Variants in PDZRN3 observed in about 807,000 individuals in gnomAD.
PDZRN3 encodes PDZ domain containing ring finger 3.
A neutral mutation model predicts 85.7 loss-of-function variants in PDZRN3; 38 were observed. The observed-to-expected ratio is 0.44, with a 90% CI of 0.34 to 0.58. The LOEUF is 0.58. Among genes scored for constraint, PDZRN3 ranks in the 20% least tolerant of loss-of-function variants. The probability of loss-of-function intolerance (pLI) is 0.01; values close to 1 mark genes in which losing one functional copy is unlikely to be tolerated. For missense variants in PDZRN3, 1,629 were observed against 1,506.4 expected, an observed-to-expected ratio of 1.08 and a Z score of -1.35; for synonymous variants, 759 against 638.0, an observed-to-expected ratio of 1.19 and a Z score of -2.86.
chr3:73,457,058 GA>G (rs1048183378), intron 3 of PDZRN3, among the ~76,000 whole-genome samples: 3 of 152,074 alleles, frequency 2.0e-5, no homozygotes, highest in African/African-American at 7.2e-5. Flanking sequence ...ATGGCAGGGA[GA>G]AAGAAATTTC....
At chr3:73,531,245 C>G (rs375956576) in intron 3 of PDZRN3, among the ~76,000 whole-genome samples, 2 of 109,502 alleles carry the variant, frequency 1.8e-5, no homozygotes, top group East Asian at 4.8e-4. Flanking sequence ...AGCGAGACTT[C>G]GTCTCAAAAA....
chr3:73,435,377 A>G (rs1702512170), intron 3 of PDZRN3, among the ~76,000 whole-genome samples: 1 of 152,190 alleles, frequency 6.6e-6, no homozygotes, highest in Non-Finnish European at 1.5e-5. Context: ...AGGAAGCCAC[A>G]GATGGGGCGG....
rs1304124794 is a variant in PDZRN3 at position 73,602,249 on chromosome 3, T to C, written c.918+105A>G. 5 of 682,040 alleles carry C rather than the reference T, an allele frequency of 7.3e-6. No individual in the cohort carries two copies. In the Admixed American group the frequency reaches 1.1e-4, roughly 16 times the overall value. 42.2% of individuals were successfully genotyped at this position (682,040 alleles called of 1,614,324 possible). A position where few individuals can be genotyped will look rare whatever the true frequency, so the allele number is the denominator to read the frequency against. On this transcript the variant is annotated intron_variant, in intron 3 of 9. Transcript: ENST00000263666. ...GAAAAGTGAGACTCCCGCTCAACCATCTACCACTTTAGGCCTCCCTCCCCA... is the reference window on the plus strand; with the variant it reads ...GAAAAGTGAGACTCCCGCTCAACCACCTACCACTTTAGGCCTCCCTCCCCA...
At chr3:73,496,516 A>G (rs1298832656) in intron 3 of PDZRN3, among the ~76,000 whole-genome samples, 2 of 151,966 alleles carry the variant, frequency 1.3e-5, no homozygotes, top group African/African-American at 2.4e-5. Flanking sequence ...AATCCCAGAG[A>G]CCATGTCATT....
At chr3:73,534,743 A>T (rs1317160007) in intron 3 of PDZRN3, among the ~76,000 whole-genome samples, 1 of 152,212 alleles carries the variant, frequency 6.6e-6, no homozygotes, top group Non-Finnish European at 1.5e-5. Flanking sequence ...CTTGTAGATA[A>T]TATCTTTTGA....
chr3:73,567,125 A>G (rs918156900), intron 3 of PDZRN3, among the ~76,000 whole-genome samples: 1 of 152,238 alleles, frequency 6.6e-6, no homozygotes, highest in African/African-American at 2.4e-5. Flanking sequence ...AAAGTCATCC[A>G]GAACAGAATT....
intron 1 of PDZRN3, among the ~76,000 whole-genome samples, chr3:73,609,905 T>C (rs1278652390): frequency 6.6e-6 from 1 of 152,198 alleles, no homozygotes; most frequent in African/African-American, 2.4e-5. Context: ...CATTTATTGC[T>C]ATGGCTGTCA....
Position 73,624,352 on chromosome 3 carries a change from G to A in PDZRN3, c.474C>T (p.Gly158=). The change falls in exon 1 of 10, where the codon GGC becomes GGT. Residue 158 remains glycine, a synonymous_variant. Transcript: ENST00000263666. Reference sequence around the variant, plus strand: ...GCAGCGCTCGCGCGCAGCAGTGGCCGCCCGCGCGCTGCTCGCCGTGCGTCA... The same window carrying A: ...GCAGCGCTCGCGCGCAGCAGTGGCCACCCGCGCGCTGCTCGCCGTGCGTCA... The part of the protein sequence containing the change: ...LPLTHGEQRA[G]GHCCARALRA... 1.5e-6 allele frequency: 2 copies of A among 1,298,546 alleles called. No homozygotes were observed. The highest frequency in any genetic ancestry group is 3.2e-5 in the East Asian group (1 of 31,262). 80.4% of individuals were successfully genotyped at this position (1,298,546 alleles called of 1,614,324 possible).
chr3:73,467,534 C>CT (rs1491467964), intron 3 of PDZRN3, among the ~76,000 whole-genome samples: 1 of 152,204 alleles, frequency 6.6e-6, no homozygotes, highest in Non-Finnish European at 1.5e-5. Context: ...TGAGTTAACA[C>CT]TGAGTCCCAT....
intron 3 of PDZRN3, among the ~76,000 whole-genome samples, chr3:73,544,510 T>A (rs1440726536): frequency 6.6e-6 from 1 of 152,220 alleles, no homozygotes; most frequent in Non-Finnish European, 1.5e-5. Context: ...GTGTATACAC[T>A]GTGAAATCAC....
At chr3:73,497,973 G>A (rs1445512936) in intron 3 of PDZRN3, among the ~76,000 whole-genome samples, 1 of 152,162 alleles carries the variant, frequency 6.6e-6, no homozygotes, top group Non-Finnish European at 1.5e-5. Context: ...GGTAGGGTCT[G>A]GGAAGATGCT....
intron 3 of PDZRN3, among the ~76,000 whole-genome samples, chr3:73,453,979 C>G (rs1429101182): frequency 2.6e-5 from 4 of 152,136 alleles, no homozygotes; most frequent in African/African-American, 9.7e-5. Context: ...ACCAAAGTGG[C>G]CTACACTGTT....
intron 3 of PDZRN3, among the ~76,000 whole-genome samples, chr3:73,470,548 A>G (rs995396997): frequency 6.6e-6 from 1 of 152,234 alleles, no homozygotes; most frequent in Non-Finnish European, 1.5e-5. Flanking sequence ...CCAGGGCTGT[A>G]ACTTTCCAAA....
rs1191398735 is a variant in PDZRN3 at position 73,404,172 on chromosome 3, A to C, written c.1142T>G (p.Leu381Arg). The C allele has an allele frequency of 1.2e-6, 2 of 1,614,066 alleles. No individual in the cohort carries two copies. Among genetic ancestry groups the C allele is most frequent in the South Asian group, 2.2e-5 (2 of 91,070 alleles). The change falls in exon 4 of 10, where the codon CTG (leucine) becomes CGG (arginine). Residue 381 changes from leucine to arginine, a missense_variant. Transcript: ENST00000263666. Reference sequence around the variant, plus strand: ...CTCCTCTGGCAAGAGATAGGGATCCAGCACGGGTGGGCTGGGAGAGGACAT... The same window carrying C: ...CTCCTCTGGCAAGAGATAGGGATCCCGCACGGGTGGGCTGGGAGAGGACAT... ...TKMSSPSPPV[L>R]DPYLLPEEHP...
At chr3:73,496,087 TG>T (rs1055281650) in intron 3 of PDZRN3, among the ~76,000 whole-genome samples, 4 of 151,646 alleles carry the variant, frequency 2.6e-5, no homozygotes, top group Non-Finnish European at 5.9e-5. Flanking sequence ...GATATGCACT[TG>T]AAAAAAAAAA....
intron 3 of PDZRN3, among the ~76,000 whole-genome samples, chr3:73,580,358 C>A (rs901006421): frequency 1.3e-5 from 2 of 152,140 alleles, no homozygotes; most frequent in Non-Finnish European, 2.9e-5. Flanking sequence ...TTTCCCAAAC[C>A]ACAAAGAATC....
intron 3 of PDZRN3, among the ~76,000 whole-genome samples, chr3:73,463,665 T>C (rs528970336): frequency 2.6e-5 from 4 of 152,300 alleles, no homozygotes; most frequent in African/African-American, 9.6e-5. Flanking sequence ...AACCCCATTA[T>C]TGGATATATG....
chr3:73,441,424 A>AAAG (rs1702633858), intron 3 of PDZRN3, among the ~76,000 whole-genome samples: 1 of 151,512 alleles, frequency 6.6e-6, no homozygotes, highest in East Asian at 1.9e-4. Context: ...AAAAAAAAAA[A>AAAG]AAAAAAAAAG....
rs142219091 is a variant in PDZRN3 at position 73,617,910 on chromosome 3, T to G, written c.723+6193A>C. ...TAGCAGAGACTGGGTTTCACCATGT[T>G]GGCCAGACTGATCTCAAACTCCTGA... On this transcript the variant is annotated intron_variant, in intron 1 of 9. Transcript: ENST00000263666. Among the ~76,000 whole-genome samples the G allele has an allele frequency of 4.3e-3, 662 of 152,314 alleles. 1 individual carries two copies. Among genetic ancestry groups the G allele is most frequent in the African/African-American group, 0.015 (642 of 41,580 alleles).
Sources: allele counts gnomAD v4.1 joint callset (sites outside exome capture counted in the v4.1 genomes callset), GRCh38; gene constraint gnomAD v4.1.1; transcripts MANE v1.5; gene names NCBI Gene and HGNC (gene_info 2026-07-23, HGNC 2026-07-21).